Variants in RALGAPA2 observed in about 807,000 individuals in gnomAD.
The protein encoded by RALGAPA2 is ral GTPase-activating protein subunit alpha-2.
Under a neutral mutation model 230.4 loss-of-function variants are expected in RALGAPA2, and 139 were observed. That is an observed-to-expected ratio of 0.60 (90% CI 0.53 to 0.69). The LOEUF is 0.69. Ranked by LOEUF, RALGAPA2 falls within the 30% of genes least tolerant of loss-of-function variation. The pLI, the probability that RALGAPA2 is intolerant of heterozygous loss-of-function variation, is 0.00. For missense variants in RALGAPA2, 2,163 were observed against 2,276.0 expected (o/e 0.95, Z 1.01); for synonymous variants, 847 against 837.8 (o/e 1.01, Z -0.19).
intron 23 of RALGAPA2, among the ~76,000 whole-genome samples, chr20:20,547,381 A>T (rs1200763702): frequency 1.3e-5 from 2 of 152,238 alleles, no homozygotes; most frequent in African/African-American, 4.8e-5. Flanking sequence ...CTCTGAGTAT[A>T]TGTGTGATCT....
chr20:20,593,250 A>G (rs2065348947), intron 16 of RALGAPA2, among the ~76,000 whole-genome samples: 1 of 152,270 alleles, frequency 6.6e-6, no homozygotes. Context: ...GAGTACAAGC[A>G]AAGATAGGCC....
At position 20,391,100 on chromosome 20, in the gene RALGAPA2, A is replaced by G. The variant is rs3827963; in HGVS notation, c.*2189T>C. The G allele has an allele frequency of 0.37, 56,122 of 151,988 alleles. 11,026 individuals are homozygous for G. Among genetic ancestry groups the G allele is most frequent in the African/African-American group, 0.52 (21,474 of 41,426 alleles). 9.4% of individuals were successfully genotyped at this position (151,988 alleles called of 1,614,324 possible). On this transcript the variant is annotated 3_prime_UTR_variant, in exon 40 of 40. Coordinates refer to ENST00000202677, the MANE Select transcript of RALGAPA2 (RefSeq NM_020343.4). ...CCGCAACAGGAGTTTCTAGAGCCTG[A>G]AGATGAAACGTTCTCCCAGAGGCGA...
intron 37 of RALGAPA2, among the ~76,000 whole-genome samples, chr20:20,442,646 G>A (rs546265040): frequency 6.6e-6 from 1 of 152,186 alleles, no homozygotes; most frequent in Admixed American, 6.5e-5. Context: ...AAGCAGACTG[G>A]TATTACAATG....
At chr20:20,468,413 G>C (rs2061467547) in intron 37 of RALGAPA2, among the ~76,000 whole-genome samples, 1 of 133,344 alleles carries the variant, frequency 7.5e-6, no homozygotes, top group African/African-American at 2.9e-5. Flanking sequence ...TCATTCACAG[G>C]CACGTGTTGA....
intron 16 of RALGAPA2, chr20:20,598,905 A>G (rs1603009098): frequency 2.7e-6 from 1 of 371,050 alleles, no homozygotes; most frequent in East Asian, 7.3e-5. Flanking sequence ...GGCTCTCTTT[A>G]AACATTTAAA....
intron 12 of RALGAPA2, among the ~76,000 whole-genome samples, chr20:20,617,596 G>A (rs947567842): frequency 6.6e-5 from 10 of 152,134 alleles, no homozygotes; most frequent in African/African-American, 2.4e-4. Flanking sequence ...CATGTAAGGA[G>A]TCTTTATATA....
Position 20,626,844 on chromosome 20 carries a change from T to C in RALGAPA2, c.1233+2519A>G, listed in dbSNP as rs142907867. Among the ~76,000 whole-genome samples the C allele has an allele frequency of 2.4e-3, 362 of 152,324 alleles. 12 individuals carry two copies. The East Asian group carries it at 0.063, about 27-fold the overall frequency. ...TTACATGTATCTCTGGCTGCTTTCT[T>C]GCTACCATAGCAGAGTTTAGCCCCT... is the stretch of plus-strand genomic sequence containing the variant. On this transcript the variant is annotated intron_variant, in intron 10 of 39. Transcript: ENST00000202677.
At position 20,505,549 on chromosome 20, in the gene RALGAPA2, AT is replaced by A; in HGVS notation, c.4929-16del. ...GTGTCTCACGGCTATAAATTTTTAAATTTAAAGGAGTTAGAATTCTTATATG... is the reference window on the plus strand; with the variant it reads ...GTGTCTCACGGCTATAAATTTTTAAATTAAAGGAGTTAGAATTCTTATATG... On this transcript the variant is annotated splice_polypyrimidine_tract_variant and intron_variant, in intron 33 of 39. Transcript: ENST00000202677. The A allele has an allele frequency of 6.5e-7, 1 of 1,545,240 alleles. No individual in the cohort carries two copies. Among genetic ancestry groups the A allele is most frequent in the African/African-American group, 1.4e-5 (1 of 71,750 alleles).
chr20:20,400,144 G>A (rs1156955623), intron 38 of RALGAPA2, among the ~76,000 whole-genome samples: 2 of 152,218 alleles, frequency 1.3e-5, no homozygotes, highest in African/African-American at 2.4e-5. Context: ...GGTGCAGGCA[G>A]TGGATGGGGT....
At chr20:20,710,595 T>G (rs921148487) in intron 1 of RALGAPA2, among the ~76,000 whole-genome samples, 5 of 152,216 alleles carry the variant, frequency 3.3e-5, no homozygotes, top group Non-Finnish European at 7.3e-5. Flanking sequence ...CCTCTCCATG[T>G]TACAAAACTG....
At chr20:20,425,330 T>C (rs1162597490) in intron 37 of RALGAPA2, among the ~76,000 whole-genome samples, 1 of 152,256 alleles carries the variant, frequency 6.6e-6, no homozygotes, top group Non-Finnish European at 1.5e-5. Flanking sequence ...ACAGATTTTC[T>C]TCGTTTTTCA....
At chr20:20,505,862 T>C (rs1439215837) in intron 33 of RALGAPA2, among the ~76,000 whole-genome samples, 1 of 152,182 alleles carries the variant, frequency 6.6e-6, no homozygotes, top group African/African-American at 2.4e-5. Flanking sequence ...AGACATAAGA[T>C]ACACCGACCA....
intron 1 of RALGAPA2, among the ~76,000 whole-genome samples, chr20:20,690,250 C>A (rs1005753747): frequency 1.3e-5 from 2 of 151,954 alleles, no homozygotes; most frequent in Non-Finnish European, 2.9e-5. Flanking sequence ...TCAAGATAAC[C>A]CTGGCCCCTC....
chr20:20,620,863 C>T (rs1251925228), intron 10 of RALGAPA2, among the ~76,000 whole-genome samples: 2 of 152,184 alleles, frequency 1.3e-5, no homozygotes, highest in Admixed American at 6.5e-5. Context: ...CTTTTATAGG[C>T]CGGGCGCAGT....
chr20:20,505,017 A>T, intron 34 of RALGAPA2: 2 of 985,066 alleles, frequency 2.0e-6, no homozygotes, highest in Non-Finnish European at 2.4e-6. Flanking sequence ...GCAACTTTTG[A>T]CTTCATCCAA....
chr20:20,468,198 C>A (rs1353583697), intron 37 of RALGAPA2, among the ~76,000 whole-genome samples: 1 of 152,140 alleles, frequency 6.6e-6, no homozygotes, highest in Non-Finnish European at 1.5e-5. Flanking sequence ...TGTCTGCCAG[C>A]CAGGAATTTA....
chr20:20,593,145 C>G (rs566886433), intron 16 of RALGAPA2, among the ~76,000 whole-genome samples: 1 of 152,298 alleles, frequency 6.6e-6, no homozygotes, highest in South Asian at 2.1e-4. Context: ...TCAAGTAGTC[C>G]GCCCACCTCG....
chr20:20,706,598 A>G (rs1049144452), intron 1 of RALGAPA2, among the ~76,000 whole-genome samples: 1 of 152,218 alleles, frequency 6.6e-6, no homozygotes, highest in Non-Finnish European at 1.5e-5. Flanking sequence ...CTCAAATCAA[A>G]TATGATAATC....
At chr20:20,410,802 C>G (rs560000218) in intron 38 of RALGAPA2, among the ~76,000 whole-genome samples, 9 of 152,268 alleles carry the variant, frequency 5.9e-5, no homozygotes, top group African/African-American at 2.2e-4. Context: ...TAGAGGCCAT[C>G]CCAGTGTTCC....
Sources: allele counts gnomAD v4.1 joint callset (sites outside exome capture counted in the v4.1 genomes callset), GRCh38; gene constraint gnomAD v4.1.1; transcripts MANE v1.5; gene names NCBI Gene and HGNC (gene_info 2026-07-23, HGNC 2026-07-21).